FBXO11: variants seen among roughly 807,000 people sequenced by gnomAD.
FBXO11 encodes F-box only protein 11.
In FBXO11, 13 loss-of-function variants were observed where a neutral mutation model predicts 117.0. The ratio of observed to expected loss-of-function variants is 0.11; its 90% confidence interval spans 0.07 to 0.18. The LOEUF is 0.18. Among genes scored for constraint, FBXO11 ranks in the 10% least tolerant of loss-of-function variants. The probability of loss-of-function intolerance (pLI) is 1.00; values close to 1 mark genes in which losing one functional copy is unlikely to be tolerated. For missense variants in FBXO11, 767 were observed against 1,164.4 expected (o/e 0.66, Z 4.97); for synonymous variants, 490 against 380.5 (o/e 1.29, Z -3.35).
At chr2:47,896,955 T>C (rs889082474) in intron 1 of FBXO11, among the ~76,000 whole-genome samples, 1 of 152,218 alleles carries the variant, frequency 6.6e-6, no homozygotes, top group Non-Finnish European at 1.5e-5. Context: ...ATGATAGAAG[T>C]CTGGAAAGAC....
intron 1 of FBXO11, among the ~76,000 whole-genome samples, chr2:47,858,913 C>A (rs1187347034): frequency 1.3e-5 from 2 of 151,052 alleles, no homozygotes; most frequent in African/African-American, 4.9e-5. Context: ...GTAGCCCGCG[C>A]CTGTAATCCC....
chr2:47,826,583 C>G (rs1671770000), intron 11 of FBXO11, among the ~76,000 whole-genome samples: 2 of 152,184 alleles, frequency 1.3e-5, no homozygotes, highest in Admixed American at 1.3e-4. Context: ...AATATATACT[C>G]ACACATTGTA....
intron 7 of FBXO11, among the ~76,000 whole-genome samples, chr2:47,833,945 G>C (rs1672364489): frequency 6.6e-6 from 1 of 152,080 alleles, no homozygotes; most frequent in South Asian, 2.1e-4. Flanking sequence ...TGGGTTTACA[G>C]GTGTGAGCCA....
chr2:47,904,519 T>C (rs529182523), intron 1 of FBXO11, among the ~76,000 whole-genome samples: 1 of 151,886 alleles, frequency 6.6e-6, no homozygotes, highest in Non-Finnish European at 1.5e-5. Flanking sequence ...TGCTAAACAG[T>C]TGGGTCCAAA....
chr2:47,808,594 A>G, intron 21 of FBXO11, 167 bp from the exon 22 acceptor site: 4 of 522,570 alleles, frequency 7.7e-6, no homozygotes, highest in Non-Finnish European at 1.3e-5. Context: ...GGAGTAAGTG[A>G]TTTTCCTGTC....
chr2:47,831,503 T>C (rs78810480), intron 11 of FBXO11, among the ~76,000 whole-genome samples: 10,719 of 149,190 alleles, frequency 0.072, 540 homozygotes, highest in Non-Finnish European at 0.11. Context: ...ATTCCCAGGA[T>C]TGCTTAATAT....
intron 1 of FBXO11, among the ~76,000 whole-genome samples, chr2:47,861,540 T>C (rs1449515412): frequency 6.6e-6 from 1 of 152,088 alleles, no homozygotes; most frequent in Non-Finnish European, 1.5e-5. Flanking sequence ...CTGACTGGTC[T>C]TGAATTTCTG....
chr2:47,864,414 C>G (rs1675037986), intron 1 of FBXO11, among the ~76,000 whole-genome samples: 2 of 152,086 alleles, frequency 1.3e-5, no homozygotes, highest in Non-Finnish European at 2.9e-5. Flanking sequence ...ATGGCAAAAC[C>G]CCATCTCTAC....
Position 47,808,071 on chromosome 2 carries a change from T to TA in FBXO11, c.*46dup. On this transcript the variant is annotated 3_prime_UTR_variant, in exon 23 of 23. Transcript: ENST00000403359. ...TAAATCTTCTTCCAAAAAAGTGTTT[T>TA]AAGTTATGATGTTACAATGGCAGGA... 1 of 1,520,890 alleles carries TA rather than the reference T, an allele frequency of 6.6e-7. No homozygotes were observed. The highest frequency in any genetic ancestry group is 9.0e-7 in the Non-Finnish European group (1 of 1,117,308). 94.2% of individuals were successfully genotyped at this position (1,520,890 alleles called of 1,614,324 possible).
intron 1 of FBXO11, among the ~76,000 whole-genome samples, chr2:47,858,331 AG>A (rs943420589): frequency 6.6e-6 from 1 of 151,846 alleles, no homozygotes; most frequent in Non-Finnish European, 1.5e-5. Context: ...GTTTTCATGT[AG>A]TAAATCTACA....
intron 1 of FBXO11, among the ~76,000 whole-genome samples, chr2:47,840,261 A>C (rs532885226): frequency 3.9e-5 from 6 of 151,958 alleles, no homozygotes; most frequent in Non-Finnish European, 7.4e-5. Context: ...CTTTTTTTTA[A>C]AAAAAGGTGA....
chr2:47,817,025 G>C (rs1018170541), intron 16 of FBXO11, among the ~76,000 whole-genome samples: 1 of 152,200 alleles, frequency 6.6e-6, no homozygotes, highest in Admixed American at 6.5e-5. Context: ...CTCTAGCTAT[G>C]AATGTTCTGG....
At chr2:47,831,417 G>A (rs568652681) in intron 11 of FBXO11, among the ~76,000 whole-genome samples, 1 of 127,244 alleles carries the variant, frequency 7.9e-6, no homozygotes, top group Non-Finnish European at 1.6e-5. Context: ...GTGAAACTCG[G>A]TCTCAAAAAG....
At chr2:47,809,894 C>T in intron 19 of FBXO11, 187 bp from the exon 20 acceptor site, 1 of 539,912 alleles carries the variant, frequency 1.9e-6, no homozygotes, top group Non-Finnish European at 3.3e-6. Flanking sequence ...TGACTATGGT[C>T]AAAACTGCAA....
chr2:47,839,140 G>T, intron 3 of FBXO11, 137 bp from the exon 4 acceptor site: 1 of 842,238 alleles, frequency 1.2e-6, no homozygotes, highest in Non-Finnish European at 1.8e-6. Flanking sequence ...TGGGTTTCAT[G>T]GGTAACACAT....
At chr2:47,888,469 T>C (rs991856919) in intron 1 of FBXO11, among the ~76,000 whole-genome samples, 1 of 152,228 alleles carries the variant, frequency 6.6e-6, no homozygotes, top group Non-Finnish European at 1.5e-5. Flanking sequence ...TCTTCTTTAG[T>C]GGACCATTTT....
chr2:47,836,316 C>T (rs911840343), intron 4 of FBXO11, among the ~76,000 whole-genome samples: 6 of 151,980 alleles, frequency 3.9e-5, no homozygotes, highest in Admixed American at 1.3e-4. Context: ...AACGTGAAAA[C>T]GTATTTTTCA....
Position 47,905,989 on chromosome 2 carries a change from G to A in FBXO11, c.-269C>T. 2 of 401,048 alleles carry A rather than the reference G, an allele frequency of 5.0e-6. No homozygotes were observed. Among genetic ancestry groups the A allele is most frequent in the South Asian group, 4.0e-5 (1 of 24,786 alleles). 24.8% of individuals were successfully genotyped at this position (401,048 alleles called of 1,614,324 possible). A position where few individuals can be genotyped will look rare whatever the true frequency, so the allele number is the denominator to read the frequency against. ...AAGCCGCCGGGCGGGGCGGCCGCGA[G>A]GGACGAAGGCAGAAAGACGGGCAGA... On this transcript the variant is annotated 5_prime_UTR_variant, in exon 1 of 23. Coordinates refer to ENST00000403359, the MANE Select transcript of FBXO11 (RefSeq NM_001190274.2).
At chr2:47,896,515 AG>A (rs1383859625) in intron 1 of FBXO11, among the ~76,000 whole-genome samples, 1 of 152,068 alleles carries the variant, frequency 6.6e-6, no homozygotes, top group South Asian at 2.1e-4. Context: ...TTTTCTGTAG[AG>A]ACGGGGTTTC....
Sources: gnomAD v4.1 joint callset for allele counts (sites outside exome capture counted in the v4.1 genomes callset) on GRCh38, gnomAD v4.1.1 for gene constraint, MANE v1.5 for transcripts, NCBI Gene and HGNC (gene_info 2026-07-23, HGNC 2026-07-21) for gene names.